Variants in CSMD1 observed in about 807,000 individuals in gnomAD.
CSMD1 encodes the protein CUB and Sushi multiple domains 1, also known as CUB and sushi domain-containing protein 1.
A neutral mutation model predicts 417.5 loss-of-function variants in CSMD1; 213 were observed. The ratio of observed to expected loss-of-function variants is 0.51; its 90% confidence interval spans 0.46 to 0.57. CSMD1 has a LOEUF of 0.57. Among genes scored for constraint, CSMD1 ranks in the 20% least tolerant of loss-of-function variants. The probability of loss-of-function intolerance (pLI) is 0.00; values close to 1 mark genes in which losing one functional copy is unlikely to be tolerated. For synonymous variants in CSMD1, 2,862 were observed against 1,736.8 expected, an observed-to-expected ratio of 1.65 and a Z score of -16.11; for missense variants, 6,923 against 4,529.7, an observed-to-expected ratio of 1.53 and a Z score of -15.17.
intron 3 of CSMD1, among the ~76,000 whole-genome samples, chr8:4,094,277 G>A (rs537342990): frequency 6.6e-6 from 1 of 152,230 alleles, no homozygotes; most frequent in South Asian, 2.1e-4. Context: ...TCTACTGGGG[G>A]AGGCGGTAGG....
chr8:4,735,275 T>C (rs115598730), intron 1 of CSMD1, among the ~76,000 whole-genome samples: 2,093 of 152,232 alleles, frequency 0.014, 37 homozygotes, highest in African/African-American at 0.036. Context: ...GTCTTCTCAT[T>C]TAGATTTCAC....
At chr8:4,173,320 G>C (rs1428257241) in intron 3 of CSMD1, among the ~76,000 whole-genome samples, 1 of 152,166 alleles carries the variant, frequency 6.6e-6, no homozygotes, top group African/African-American at 2.4e-5. Context: ...AATTTGTGCT[G>C]TATATGGCAA....
intron 6 of CSMD1, among the ~76,000 whole-genome samples, chr8:3,728,470 C>G (rs569844053): frequency 6.6e-6 from 1 of 152,146 alleles, no homozygotes; most frequent in East Asian, 1.9e-4. Context: ...TTAGGTTTAT[C>G]GTAACAGAGT....
At chr8:3,234,769 T>C (rs985777700) in intron 26 of CSMD1, among the ~76,000 whole-genome samples, 1 of 152,184 alleles carries the variant, frequency 6.6e-6, no homozygotes, top group African/African-American at 2.4e-5. Context: ...ACACTAATCA[T>C]AGAATACAAT....
chr8:4,037,031 G>A (rs912602312), intron 3 of CSMD1, among the ~76,000 whole-genome samples: 16 of 151,434 alleles, frequency 1.1e-4, no homozygotes, highest in African/African-American at 3.4e-4. Flanking sequence ...GTCCAGGGCT[G>A]GTGACCACCT....
chr8:4,872,805 G>T (rs767673993), intron 1 of CSMD1, among the ~76,000 whole-genome samples: 4 of 152,078 alleles, frequency 2.6e-5, no homozygotes, highest in Non-Finnish European at 4.4e-5. Context: ...AACCTTCTGT[G>T]TTACTGTTTT....
At chr8:3,060,281 G>A (rs1296259736) in intron 49 of CSMD1, among the ~76,000 whole-genome samples, 2 of 151,906 alleles carry the variant, frequency 1.3e-5, no homozygotes, top group East Asian at 1.9e-4. Flanking sequence ...GAGTAGCTGG[G>A]ATTACAGGCG....
chr8:3,970,036 G>A (rs1201096217), intron 5 of CSMD1, among the ~76,000 whole-genome samples: 1 of 152,126 alleles, frequency 6.6e-6, no homozygotes, highest in Admixed American at 6.5e-5. Context: ...TTTCCCTTCA[G>A]CATACTGAGC....
At chr8:3,473,067 C>A (rs1817198762) in intron 11 of CSMD1, among the ~76,000 whole-genome samples, 1 of 152,158 alleles carries the variant, frequency 6.6e-6, no homozygotes, top group African/African-American at 2.4e-5. Flanking sequence ...TTTTAACTTA[C>A]TAAAAACGTA....
At chr8:4,520,763 A>G (rs191559238) in intron 2 of CSMD1, among the ~76,000 whole-genome samples, 38 of 152,316 alleles carry the variant, frequency 2.5e-4, no homozygotes, top group Admixed American at 2.6e-4. Context: ...TTAATTTATG[A>G]ATTTTAAATA....
chr8:3,259,090 G>A (rs879651661), intron 26 of CSMD1, among the ~76,000 whole-genome samples: 4 of 152,158 alleles, frequency 2.6e-5, no homozygotes, highest in African/African-American at 9.7e-5. Context: ...TATAAAGCAG[G>A]TATCTTAACC....
chr8:4,268,379 T>C (rs909339508), intron 3 of CSMD1, among the ~76,000 whole-genome samples: 1 of 152,172 alleles, frequency 6.6e-6, no homozygotes, highest in Non-Finnish European at 1.5e-5. Flanking sequence ...ATACACTTAG[T>C]TAATTCTCTC....
At chr8:3,174,868 A>G (rs943364026) in intron 37 of CSMD1, among the ~76,000 whole-genome samples, 4 of 152,142 alleles carry the variant, frequency 2.6e-5, no homozygotes, top group African/African-American at 4.8e-5. Flanking sequence ...AAGGCAGTTT[A>G]TCACTTTAAA....
intron 26 of CSMD1, among the ~76,000 whole-genome samples, chr8:3,254,358 G>A (rs1281717857): frequency 6.6e-6 from 1 of 152,046 alleles, no homozygotes; most frequent in African/African-American, 2.4e-5. Context: ...GTGTCTTAGA[G>A]TTACTCTTCT....
chr8:3,178,421 G>A (rs183113328), intron 37 of CSMD1, among the ~76,000 whole-genome samples: 1 of 151,942 alleles, frequency 6.6e-6, no homozygotes. Flanking sequence ...TTTTCAGAGA[G>A]CACTGACCTT....
intron 1 of CSMD1, among the ~76,000 whole-genome samples, chr8:4,642,491 C>T (rs1221627782): frequency 6.6e-6 from 1 of 152,296 alleles, no homozygotes; most frequent in Non-Finnish European, 1.5e-5. Flanking sequence ...TGAGATGATT[C>T]ATCTGTGATC....
chr8:4,221,119 CAG>C (rs1018410724), intron 3 of CSMD1, among the ~76,000 whole-genome samples: 2 of 152,136 alleles, frequency 1.3e-5, no homozygotes, highest in African/African-American at 4.8e-5. Flanking sequence ...ACGGACAAGA[CAG>C]AGAATAGAAA....
intron 2 of CSMD1, among the ~76,000 whole-genome samples, chr8:4,425,038 A>C (rs545633979): frequency 4.9e-4 from 75 of 152,256 alleles, no homozygotes; most frequent in Admixed American, 8.5e-4. Context: ...AAGTTGAACA[A>C]AAACTATTGA....
In CSMD1 at chr8:4,405,557, T is replaced by G. The variant is rs567934636; in HGVS notation, c.415+14396A>C. Among the ~76,000 whole-genome samples, 10 of 152,292 alleles carry G rather than the reference T, an allele frequency of 6.6e-5. No homozygotes were observed. In the South Asian group the frequency reaches 1.2e-3, roughly 19 times the overall value. On this transcript the variant is annotated intron_variant, in intron 3 of 69. Transcript: ENST00000635120. ...AGTAAGTGCCATGAAACCATCACCA[T>G]GGATTCAGAAATACACTATACAAAA...
Sources: allele counts gnomAD v4.1 joint callset (sites outside exome capture counted in the v4.1 genomes callset), GRCh38; gene constraint gnomAD v4.1.1; transcripts MANE v1.5; gene names NCBI Gene and HGNC (gene_info 2026-07-23, HGNC 2026-07-21).